Variants in RMST observed in about 807,000 individuals in gnomAD.
RMST encodes long intergenic non-protein coding RNA 54.
chr12:97,482,890 C>T (rs1446246348), intron 5 of RMST, among the ~76,000 whole-genome samples: 1 of 149,210 alleles, frequency 6.7e-6, no homozygotes, highest in Non-Finnish European at 1.5e-5. Context: ...ACCCAGAAGC[C>T]CCTCATGCCA....
At chr12:97,498,092 G>A (rs1185715110) in intron 10 of RMST, among the ~76,000 whole-genome samples, 2 of 152,144 alleles carry the variant, frequency 1.3e-5, no homozygotes, top group African/African-American at 2.4e-5. Flanking sequence ...CTTGGGTCTA[G>A]GGGTGTTTCC....
intron 10 of RMST, among the ~76,000 whole-genome samples, chr12:97,505,329 G>A (rs1335696320): frequency 6.6e-6 from 1 of 152,222 alleles, no homozygotes; most frequent in African/African-American, 2.4e-5. Context: ...ATAAGTGGCT[G>A]CTTGAAAAGT....
At chr12:97,467,724 C>T (rs1261681029) in intron 5 of RMST, among the ~76,000 whole-genome samples, 2 of 151,926 alleles carry the variant, frequency 1.3e-5, no homozygotes, top group Admixed American at 6.6e-5. Context: ...CTGCCTTTGT[C>T]TTTGTGCTGT....
At chr12:97,531,660 T>C (rs1285614460) in intron 11 of RMST, among the ~76,000 whole-genome samples, 1 of 151,910 alleles carries the variant, frequency 6.6e-6, no homozygotes, top group Non-Finnish European at 1.5e-5. Flanking sequence ...CAAGTTTGGG[T>C]TATTTATGCT....
intron 11 of RMST, among the ~76,000 whole-genome samples, chr12:97,554,242 C>A (rs1293884989): frequency 1.3e-5 from 2 of 152,086 alleles, no homozygotes; most frequent in African/African-American, 2.4e-5. Context: ...GCACGAGCTA[C>A]CGCGCCCAGC....
intron 5 of RMST, among the ~76,000 whole-genome samples, chr12:97,490,707 T>A (rs1034673793): frequency 2.0e-4 from 30 of 152,348 alleles, no homozygotes; most frequent in Middle Eastern, 6.8e-3. Flanking sequence ...AAATTCAACT[T>A]ATCTTGGATG....
intron 11 of RMST, among the ~76,000 whole-genome samples, chr12:97,544,681 T>C (rs557918979): frequency 6.6e-6 from 1 of 152,036 alleles, no homozygotes; most frequent in Middle Eastern, 3.2e-3. Context: ...GCAATATTAT[T>C]TTATCAACTA....
chr12:97,481,214 T>C (rs1875234017), intron 5 of RMST, among the ~76,000 whole-genome samples: 1 of 152,174 alleles, frequency 6.6e-6, no homozygotes, highest in South Asian at 2.1e-4. Flanking sequence ...GATACAAGTA[T>C]CTGTCCTCTT....
At chr12:97,517,794 A>G (rs1467707918) in intron 10 of RMST, among the ~76,000 whole-genome samples, 1 of 151,966 alleles carries the variant, frequency 6.6e-6, no homozygotes, top group East Asian at 1.9e-4. Context: ...ATTTATCATC[A>G]TGGGCTTCTG....
rs1882146489 is a variant in RMST at position 97,537,275 on chromosome 12, T to G, written n.1545+6416T>G. 2.0e-5 allele frequency among the ~76,000 whole-genome samples: 3 copies of G among 151,434 alleles called. No homozygotes were observed. The South Asian group carries it at 6.2e-4, about 31-fold the overall frequency. ...AATTCATTAACCATTTGAGTCCTGC[T>G]TGATGATTAAACCCTTAGGCAGATG... On this transcript the variant is annotated intron_variant and non_coding_transcript_variant, in intron 11 of 13. Transcript: ENST00000640149.
At chr12:97,471,712 G>T (rs1873939955) in intron 5 of RMST, among the ~76,000 whole-genome samples, 1 of 152,070 alleles carries the variant, frequency 6.6e-6, no homozygotes, top group Non-Finnish European at 1.5e-5. Context: ...CTGCCACCTG[G>T]GTGCACAATG....
intron 11 of RMST, among the ~76,000 whole-genome samples, chr12:97,559,068 T>G (rs1361208955): frequency 2.0e-5 from 3 of 151,162 alleles, no homozygotes; most frequent in Non-Finnish European, 4.4e-5. Context: ...TGGTTTTAGA[T>G]GCAAATATGA....
At chr12:97,485,298 C>T (rs1028396149) in intron 5 of RMST, among the ~76,000 whole-genome samples, 15 of 152,088 alleles carry the variant, frequency 9.9e-5, no homozygotes, top group African/African-American at 3.4e-4. Context: ...TGAAATGCCT[C>T]CTGAATTATT....
intron 10 of RMST, among the ~76,000 whole-genome samples, chr12:97,502,192 G>A (rs969727099): frequency 1.3e-5 from 2 of 152,112 alleles, no homozygotes; most frequent in Admixed American, 1.3e-4. Flanking sequence ...TTAAATTGGT[G>A]ACCTTAGTGT....
intron 11 of RMST, among the ~76,000 whole-genome samples, chr12:97,539,779 A>T (rs1464886614): frequency 6.6e-6 from 1 of 151,596 alleles, no homozygotes; most frequent in Non-Finnish European, 1.5e-5. Flanking sequence ...ATTTTATCAG[A>T]CATTTCAATG....
chr12:97,513,454 G>A (rs952092718), intron 10 of RMST, among the ~76,000 whole-genome samples: 2 of 152,204 alleles, frequency 1.3e-5, no homozygotes, highest in Admixed American at 6.5e-5. Flanking sequence ...AATATTTATT[G>A]AGTAGAGTGC....
chr12:97,468,868 G>T (rs563671743), intron 5 of RMST, among the ~76,000 whole-genome samples: 2 of 151,936 alleles, frequency 1.3e-5, no homozygotes, highest in African/African-American at 2.4e-5. Flanking sequence ...TGCATCAAAT[G>T]TTGGTTCAGT....
intron 5 of RMST, among the ~76,000 whole-genome samples, chr12:97,488,322 G>A (rs1207300569): frequency 6.6e-6 from 1 of 152,178 alleles, no homozygotes; most frequent in Non-Finnish European, 1.5e-5. Flanking sequence ...AGGTTGCAGC[G>A]AGGAACCTAG....
intron 13 of RMST, among the ~76,000 whole-genome samples, chr12:97,561,493 G>A (rs750476808): frequency 2.6e-5 from 4 of 152,146 alleles, no homozygotes; most frequent in Non-Finnish European, 5.9e-5. Context: ...ATGATTAATG[G>A]TGAATCTGAA....
Sources: gnomAD v4.1 joint callset for allele counts (sites outside exome capture counted in the v4.1 genomes callset) on GRCh38, gnomAD v4.1.1 for gene constraint, MANE v1.5 for transcripts, NCBI Gene and HGNC (gene_info 2026-07-23, HGNC 2026-07-21) for gene names.